Variants in AGBL1 observed in about 807,000 individuals in gnomAD.
AGBL1 encodes the protein cytosolic carboxypeptidase 4.
A neutral mutation model predicts 118.9 loss-of-function variants in AGBL1; 130 were observed. That is an observed-to-expected ratio of 1.09 (90% CI 0.95 to 1.26). The LOEUF (loss-of-function observed/expected upper bound fraction) is 1.26, where lower values mean the gene tolerates loss of function less well. AGBL1 is among the 50% of genes most tolerant of loss of function. AGBL1 has a pLI of 0.00. For missense variants in AGBL1, 1,584 were observed against 1,298.1 expected (o/e 1.22, Z -3.38); for synonymous variants, 555 against 478.9 (o/e 1.16, Z -2.08).
At position 86,698,625 on chromosome 15, in the gene AGBL1, T is replaced by TTTTA. The variant is rs746434101; in HGVS notation, c.3158+24189_3158+24190insTTTA. On this transcript the variant is annotated intron_variant, in intron 22 of 22. Transcript: ENST00000614907. Reference sequence around the variant, plus strand: ...GCTGATCATTGTTTTTTTTTTTTTTTAAAAAGAGACCAACAGGATTTATGG... The same window carrying TTTTA: ...GCTGATCATTGTTTTTTTTTTTTTTTTTTAAAAAAGAGACCAACAGGATTTATGG... Among the ~76,000 whole-genome samples, 3 of 150,636 alleles carry TTTTA rather than the reference T, an allele frequency of 2.0e-5. No homozygotes were observed. In the East Asian group the frequency reaches 5.9e-4, roughly 29 times the overall value.
rs1396424489 is a variant in AGBL1, at chr15:86,833,805, G to T, written c.3159-73282G>T. 2.0e-5 allele frequency among the ~76,000 whole-genome samples: 3 copies of T among 152,106 alleles called. No homozygotes were observed. The East Asian group carries it at 5.8e-4, about 29-fold the overall frequency. Reference sequence around the variant, plus strand: ...ATAGTGCTATGTCCCCAGTACTTAAGATACATGGGTCCAGAAATCAGTGTG... The same window carrying T: ...ATAGTGCTATGTCCCCAGTACTTAATATACATGGGTCCAGAAATCAGTGTG... On this transcript the variant is annotated intron_variant, in intron 22 of 22. Coordinates refer to ENST00000614907, the MANE Select transcript of AGBL1 (RefSeq NM_001386094.1).
intron 22 of AGBL1, among the ~76,000 whole-genome samples, chr15:86,809,926 T>C (rs1013920639): frequency 7.2e-5 from 11 of 152,112 alleles, no homozygotes; most frequent in African/African-American, 2.4e-4. Flanking sequence ...TGCTGGATCA[T>C]TAGCTTTTTA....
intron 22 of AGBL1, among the ~76,000 whole-genome samples, chr15:86,705,268 T>C (rs1200849382): frequency 6.6e-6 from 1 of 152,156 alleles, no homozygotes; most frequent in East Asian, 1.9e-4. Flanking sequence ...CAAACATGCA[T>C]GTTCTGCTCA....
intron 22 of AGBL1, among the ~76,000 whole-genome samples, chr15:86,696,961 A>G (rs2086273585): frequency 6.6e-6 from 1 of 151,962 alleles, no homozygotes; most frequent in Non-Finnish European, 1.5e-5. Context: ...TTCTGCTAAG[A>G]AATTTGCTGT....
At chr15:86,175,834 A>T (rs2077474598) in intron 5 of AGBL1, among the ~76,000 whole-genome samples, 1 of 152,124 alleles carries the variant, frequency 6.6e-6, no homozygotes, top group Non-Finnish European at 1.5e-5. Flanking sequence ...GTTTTATTCC[A>T]CTGTGATCTG....
At chr15:86,904,953 T>C (rs1446102279) in intron 22 of AGBL1, among the ~76,000 whole-genome samples, 1 of 152,118 alleles carries the variant, frequency 6.6e-6, no homozygotes, top group Admixed American at 6.6e-5. Context: ...ATGGGCCTTA[T>C]TGACAATAAC....
chr15:86,222,804 T>C (rs2078299994), intron 5 of AGBL1, among the ~76,000 whole-genome samples: 1 of 152,216 alleles, frequency 6.6e-6, no homozygotes, highest in Admixed American at 6.5e-5. Flanking sequence ...GTTAGCATAT[T>C]ATTAGGTACT....
At chr15:86,578,740 G>A (rs749234069) in intron 21 of AGBL1, among the ~76,000 whole-genome samples, 11 of 152,246 alleles carry the variant, frequency 7.2e-5, no homozygotes, top group East Asian at 5.8e-4. Flanking sequence ...GTCCCTACAC[G>A]AGCTCTCTCT....
At chr15:86,767,636 C>T (rs1007351015) in intron 22 of AGBL1, among the ~76,000 whole-genome samples, 1 of 151,934 alleles carries the variant, frequency 6.6e-6, no homozygotes, top group African/African-American at 2.4e-5. Context: ...TCTTTCAACA[C>T]TTTCCCATGG....
chr15:86,704,814 T>A (rs1463937471), intron 22 of AGBL1, among the ~76,000 whole-genome samples: 1 of 152,192 alleles, frequency 6.6e-6, no homozygotes, highest in African/African-American at 2.4e-5. Flanking sequence ...ATCATTCTAC[T>A]ATAAAGACAC....
chr15:86,190,063 C>CT (rs1448645458), intron 5 of AGBL1, among the ~76,000 whole-genome samples: 1 of 152,074 alleles, frequency 6.6e-6, no homozygotes, highest in African/African-American at 2.4e-5. Flanking sequence ...TATAATTTTC[C>CT]TATGTCTCAA....
rs555724750 is a variant in AGBL1 at position 86,342,716 on chromosome 15, A to G, written c.2374+47308A>G. On this transcript the variant is annotated intron_variant, in intron 17 of 22. Transcript: ENST00000614907. ...TGAAATGAAGCTTCTCGGAGCTTTG[A>G]TTTCCTCCTCTGTATGTTTGTTATG... 6.7e-4 allele frequency among the ~76,000 whole-genome samples: 102 copies of G among 152,320 alleles called. 2 individuals carry two copies. In the South Asian group the frequency reaches 0.019, roughly 29 times the overall value.
chr15:86,481,066 A>C (rs534770985), intron 18 of AGBL1, among the ~76,000 whole-genome samples: 1 of 151,816 alleles, frequency 6.6e-6, no homozygotes, highest in African/African-American at 2.4e-5. Context: ...CAAAAGAGGA[A>C]GAAGAGGAAT....
At chr15:86,701,422 A>G (rs1225364663) in intron 22 of AGBL1, among the ~76,000 whole-genome samples, 1 of 152,106 alleles carries the variant, frequency 6.6e-6, no homozygotes, top group Non-Finnish European at 1.5e-5. Flanking sequence ...TAGAATCCAC[A>G]TGGATGTTTA....
At chr15:86,240,635 C>T (rs1331438376) in intron 6 of AGBL1, among the ~76,000 whole-genome samples, 2 of 152,094 alleles carry the variant, frequency 1.3e-5, no homozygotes, top group African/African-American at 2.4e-5. Context: ...AGAGTTCAAT[C>T]CCCCCAGTTG....
At chr15:86,141,885 G>C in intron 1 of AGBL1, 119 bp from the exon 2 acceptor site, 3 of 1,020,156 alleles carry the variant, frequency 2.9e-6, no homozygotes, top group Non-Finnish European at 4.3e-6. Context: ...CTGTCCTTTC[G>C]CTGTAGTTAA....
chr15:86,461,654 A>G (rs2082336593), intron 18 of AGBL1, among the ~76,000 whole-genome samples: 1 of 152,202 alleles, frequency 6.6e-6, no homozygotes, highest in Non-Finnish European at 1.5e-5. Context: ...TTCCATAAAC[A>G]TTTATATTTG....
At chr15:86,176,749 A>G (rs1354002461) in intron 5 of AGBL1, among the ~76,000 whole-genome samples, 1 of 152,154 alleles carries the variant, frequency 6.6e-6, no homozygotes, top group African/African-American at 2.4e-5. Flanking sequence ...TGTGGGATCC[A>G]GCCTAAACTA....
chr15:87,005,017 C>T lies in AGBL1; in HGVS notation c.3323+16929C>T, dbSNP rs1288263952. On this transcript the variant is annotated intron_variant, in intron 24 of 24. Coordinates refer to the AGBL1 transcript ENST00000441037. Reference sequence around the variant, plus strand: ...TTGTTTAAGAATGTTGAATATTGGCCCCCACTCTGTTCTGGCTTGTAGAGT... The same window carrying T: ...TTGTTTAAGAATGTTGAATATTGGCTCCCACTCTGTTCTGGCTTGTAGAGT... Among the ~76,000 whole-genome samples, 7 of 152,222 alleles carry T rather than the reference C, an allele frequency of 4.6e-5. No individual in the cohort carries two copies. The South Asian group carries it at 1.2e-3, about 27-fold the overall frequency.
Sources: gnomAD v4.1 joint callset for allele counts (sites outside exome capture counted in the v4.1 genomes callset) on GRCh38, gnomAD v4.1.1 for gene constraint, MANE v1.5 for transcripts, NCBI Gene and HGNC (gene_info 2026-07-23, HGNC 2026-07-21) for gene names.